Variants in SLC9A9 observed in about 807,000 individuals in gnomAD.
SLC9A9 encodes the protein sodium/hydrogen exchanger 9.
A neutral mutation model predicts 77.8 loss-of-function variants in SLC9A9; 62 were observed. The observed-to-expected ratio is 0.80, with a 90% CI of 0.65 to 0.98. The LOEUF is 0.98. SLC9A9 is among the 50% of genes least tolerant of loss of function. SLC9A9 has a pLI of 0.00. For synonymous variants in SLC9A9, 320 were observed against 283.5 expected, an observed-to-expected ratio of 1.13 and a Z score of -1.29; for missense variants, 775 against 774.9, an observed-to-expected ratio of 1.00 and a Z score of 0.00.
At chr3:143,477,330 A>AT (rs59195338) in intron 11 of SLC9A9, among the ~76,000 whole-genome samples, 13,367 of 99,852 alleles carry the variant, frequency 0.13, 1,069 homozygotes, top group Middle Eastern at 0.18. Flanking sequence ...GGCTTCTTCA[A>AT]TTTTTTTTTT....
intron 8 of SLC9A9, among the ~76,000 whole-genome samples, chr3:143,553,499 A>T (rs561532688): frequency 1.3e-5 from 2 of 152,346 alleles, no homozygotes; most frequent in African/African-American, 4.8e-5. Flanking sequence ...TTAAATGCTG[A>T]TGATTCTTAA....
At chr3:143,404,163 T>C (rs556055278) in intron 12 of SLC9A9, among the ~76,000 whole-genome samples, 7 of 144,618 alleles carry the variant, frequency 4.8e-5, no homozygotes, top group Admixed American at 7.4e-5. Context: ...ATTTTTTGTA[T>C]AATTTTTCTT....
intron 7 of SLC9A9, 91 bp from the exon 8 acceptor site, chr3:143,574,284 C>G: frequency 9.6e-7 from 1 of 1,038,958 alleles, no homozygotes; most frequent in South Asian, 1.4e-5. Flanking sequence ...GTGATGATAG[C>G]TCTAGAGCAA....
At chr3:143,607,216 T>C (rs1261875021) in intron 6 of SLC9A9, among the ~76,000 whole-genome samples, 3 of 152,124 alleles carry the variant, frequency 2.0e-5, no homozygotes, top group Admixed American at 2.0e-4. Flanking sequence ...AATAGATTTT[T>C]AAGCAAAAGA....
intron 7 of SLC9A9, among the ~76,000 whole-genome samples, chr3:143,577,416 A>C (rs35417581): frequency 0.11 from 17,001 of 152,204 alleles, 1,162 homozygotes; most frequent in East Asian, 0.16. Context: ...GGCCATGCCC[A>C]AAACCCACTC....
chr3:143,443,753 A>G (rs2034793235), intron 12 of SLC9A9, among the ~76,000 whole-genome samples: 1 of 152,210 alleles, frequency 6.6e-6, no homozygotes, highest in South Asian at 2.1e-4. Context: ...GTTTGATCTT[A>G]TGTTCCCAAC....
At chr3:143,548,683 A>G (rs934716677) in intron 9 of SLC9A9, among the ~76,000 whole-genome samples, 9 of 152,310 alleles carry the variant, frequency 5.9e-5, no homozygotes, top group African/African-American at 1.7e-4. Context: ...CCTAACACAT[A>G]GCGATGTTAC....
At chr3:143,686,486 G>C (rs894947520) in intron 5 of SLC9A9, among the ~76,000 whole-genome samples, 1 of 152,028 alleles carries the variant, frequency 6.6e-6, no homozygotes, top group Non-Finnish European at 1.5e-5. Flanking sequence ...AGCAAGAAAG[G>C]CTCTCACTGA....
intron 5 of SLC9A9, among the ~76,000 whole-genome samples, chr3:143,666,569 T>G (rs918055071): frequency 1.3e-5 from 2 of 152,320 alleles, no homozygotes; most frequent in Admixed American, 1.3e-4. Context: ...ATGACATGAT[T>G]GTATATTTAG....
At chr3:143,672,653 A>C (rs2039177169) in intron 5 of SLC9A9, among the ~76,000 whole-genome samples, 1 of 152,222 alleles carries the variant, frequency 6.6e-6, no homozygotes, top group African/African-American at 2.4e-5. Context: ...GGGTCTGTTA[A>C]TCAGCCATCT....
chr3:143,420,139 G>T (rs1449614342), intron 12 of SLC9A9, among the ~76,000 whole-genome samples: 2 of 152,180 alleles, frequency 1.3e-5, no homozygotes, highest in Non-Finnish European at 2.9e-5. Context: ...GGCAGATTCT[G>T]GAGTCTCTTG....
intron 2 of SLC9A9, among the ~76,000 whole-genome samples, chr3:143,813,963 G>C (rs6784547): frequency 0.095 from 14,530 of 152,186 alleles, 1,875 homozygotes; most frequent in African/African-American, 0.3. Context: ...GGTAATGATA[G>C]TGGGAATGAA....
intron 14 of SLC9A9, among the ~76,000 whole-genome samples, chr3:143,335,734 A>T (rs1041421297): frequency 5.9e-5 from 9 of 152,172 alleles, no homozygotes; most frequent in African/African-American, 2.2e-4. Context: ...TTGGACCTTT[A>T]TCTTATGCCA....
At chr3:143,829,145 G>A (rs955743327) in intron 2 of SLC9A9, among the ~76,000 whole-genome samples, 4 of 152,062 alleles carry the variant, frequency 2.6e-5, no homozygotes, top group African/African-American at 9.7e-5. Context: ...TAATGAGGTC[G>A]GGTCTCTTTC....
At chr3:143,363,873 T>C (rs559909253) in intron 13 of SLC9A9, among the ~76,000 whole-genome samples, 1 of 152,290 alleles carries the variant, frequency 6.6e-6, no homozygotes, top group Admixed American at 6.5e-5. Context: ...GTGGGAATTT[T>C]ACAGTTTATT....
At chr3:143,510,414 G>A (rs1028769565) in intron 9 of SLC9A9, among the ~76,000 whole-genome samples, 6 of 152,048 alleles carry the variant, frequency 3.9e-5, no homozygotes, top group South Asian at 2.1e-4. Context: ...TTAAATACCC[G>A]AGATATTTGT....
intron 2 of SLC9A9, among the ~76,000 whole-genome samples, chr3:143,827,042 T>C (rs2009317550): frequency 6.6e-6 from 1 of 152,218 alleles, no homozygotes; most frequent in African/African-American, 2.4e-5. Context: ...TCATTTGTGT[T>C]GAAAGAATAA....
chr3:143,414,833 A>G (rs576921010), intron 12 of SLC9A9, among the ~76,000 whole-genome samples: 1 of 152,366 alleles, frequency 6.6e-6, no homozygotes, highest in South Asian at 2.1e-4. Flanking sequence ...GCTAGAAATG[A>G]TTAAGCTTAG....
chr3:143,513,326 T>A (rs943598868), intron 9 of SLC9A9, among the ~76,000 whole-genome samples: 1 of 152,216 alleles, frequency 6.6e-6, no homozygotes, highest in Non-Finnish European at 1.5e-5. Flanking sequence ...TGAAAATCCA[T>A]CTCAAGAAGC....
Sources: allele counts gnomAD v4.1 joint callset (sites outside exome capture counted in the v4.1 genomes callset), GRCh38; gene constraint gnomAD v4.1.1; transcripts MANE v1.5; gene names NCBI Gene and HGNC (gene_info 2026-07-23, HGNC 2026-07-21).